BACH2: variants seen among roughly 807,000 people sequenced by gnomAD.
BACH2 encodes transcription regulator protein BACH2.
A neutral mutation model predicts 61.8 loss-of-function variants in BACH2; 5 were observed. The ratio of observed to expected loss-of-function variants is 0.08; its 90% CI spans 0.04 to 0.17. BACH2 has a LOEUF of 0.17. Among genes scored for constraint, BACH2 ranks in the 10% least tolerant of loss-of-function variants. The probability of loss-of-function intolerance (pLI) is 1.00; values close to 1 mark genes in which losing one functional copy is unlikely to be tolerated. For missense variants in BACH2, 824 were observed against 1,091.1 expected (o/e 0.76, Z 3.45); for synonymous variants, 446 against 440.1 (o/e 1.01, Z -0.17).
intron 5 of BACH2, among the ~76,000 whole-genome samples, chr6:90,084,122 G>A (rs1290736627): frequency 6.6e-6 from 1 of 151,912 alleles, no homozygotes; most frequent in Non-Finnish European, 1.5e-5. Context: ...AGGGGGTGGG[G>A]AAGTATGAAG....
rs76465664 is a variant in BACH2 at position 90,237,338 on chromosome 6, T to C, written c.-275+15175A>G. Among the ~76,000 whole-genome samples the C allele has an allele frequency of 4.8e-3, 731 of 152,318 alleles. 5 individuals are homozygous for C. Among genetic ancestry groups the C allele is most frequent in the African/African-American group, 0.017 (698 of 41,570 alleles). Reference sequence around the variant, plus strand: ...AAATGTTATTATGACCAACCATATCTAACAGGTTCAGAGACATCCTAGCCT... The same window carrying C: ...AAATGTTATTATGACCAACCATATCCAACAGGTTCAGAGACATCCTAGCCT... On this transcript the variant is annotated intron_variant, in intron 3 of 8. Coordinates refer to ENST00000257749, the MANE Select transcript of BACH2 (RefSeq NM_021813.4).
rs1772468736 is a variant in BACH2 at position 89,928,520 on chromosome 6, C to G, written c.*3888G>C. On this transcript the variant is annotated 3_prime_UTR_variant, in exon 9 of 9. Coordinates refer to ENST00000257749, the MANE Select transcript of BACH2 (RefSeq NM_021813.4). ...AAAGAGAAAATGTGGGTTTAGGCCT[C>G]TTGACAACAGCATTAAACTTCACAC... 2.0e-5 allele frequency: 3 copies of G among 152,524 alleles called. No individual in the cohort carries two copies. The highest frequency in any genetic ancestry group is 4.4e-5 in the Non-Finnish European group (3 of 68,038). 9.4% of individuals were successfully genotyped at this position (152,524 alleles called of 1,614,324 possible).
intron 4 of BACH2, among the ~76,000 whole-genome samples, chr6:90,156,157 G>A (rs943739388): frequency 6.6e-6 from 1 of 152,160 alleles, no homozygotes; most frequent in Non-Finnish European, 1.5e-5. Context: ...ATATCTGAAG[G>A]TGGGGAGGGA....
chr6:90,243,234 T>C (rs1000511855), intron 3 of BACH2, among the ~76,000 whole-genome samples: 2 of 151,384 alleles, frequency 1.3e-5, no homozygotes, highest in Non-Finnish European at 3.0e-5. Flanking sequence ...AATGTATTAA[T>C]AACTAGTCGC....
chr6:90,015,500 T>G (rs2127783243), intron 5 of BACH2, among the ~76,000 whole-genome samples: 1 of 152,364 alleles, frequency 6.6e-6, no homozygotes, highest in Non-Finnish European at 1.5e-5. Context: ...GCTTTAAAAT[T>G]TCCCTTTTGA....
At chr6:90,148,255 T>C (rs1784690491) in intron 4 of BACH2, among the ~76,000 whole-genome samples, 1 of 152,202 alleles carries the variant, frequency 6.6e-6, no homozygotes, top group South Asian at 2.1e-4. Context: ...TTCTCTCCCG[T>C]ACCCAAGTAG....
chr6:90,109,219 C>T (rs1296568200), intron 4 of BACH2, among the ~76,000 whole-genome samples: 2 of 152,050 alleles, frequency 1.3e-5, no homozygotes, highest in African/African-American at 2.4e-5. Context: ...TGATGATCTC[C>T]GTCTTGCCAA....
At chr6:90,176,112 C>T (rs1767975723) in intron 4 of BACH2, among the ~76,000 whole-genome samples, 4 of 152,310 alleles carry the variant, frequency 2.6e-5, no homozygotes, top group South Asian at 2.1e-4. Flanking sequence ...TGTGGTGACA[C>T]GCCTCTATGG....
intron 5 of BACH2, among the ~76,000 whole-genome samples, chr6:90,040,864 T>G (rs929557255): frequency 7.9e-5 from 12 of 152,206 alleles, no homozygotes; most frequent in Admixed American, 2.6e-4. Flanking sequence ...CCATTATATC[T>G]TCTAATCAGC....
chr6:89,958,219 C>T (rs991312803), intron 6 of BACH2, among the ~76,000 whole-genome samples: 2 of 152,148 alleles, frequency 1.3e-5, no homozygotes, highest in African/African-American at 4.8e-5. Flanking sequence ...GGGCTCAAGC[C>T]ATTTTCCTGC....
intron 4 of BACH2, among the ~76,000 whole-genome samples, chr6:90,125,038 G>A (rs1211899653): frequency 1.3e-5 from 2 of 152,032 alleles, no homozygotes; most frequent in Non-Finnish European, 2.9e-5. Flanking sequence ...TCGGCCATCT[G>A]TATTTCTCAT....
At chr6:90,075,459 C>A (rs1258691548) in intron 5 of BACH2, among the ~76,000 whole-genome samples, 1 of 152,132 alleles carries the variant, frequency 6.6e-6, no homozygotes, top group Non-Finnish European at 1.5e-5. Context: ...TTAACCAAGG[C>A]TTCTCCTGTC....
chr6:89,961,872 G>C (rs1285086933), intron 6 of BACH2, among the ~76,000 whole-genome samples: 1 of 152,270 alleles, frequency 6.6e-6, no homozygotes, highest in East Asian at 1.9e-4. Context: ...GAAATGCTCA[G>C]ATTTCACTGT....
intron 2 of BACH2, among the ~76,000 whole-genome samples, chr6:90,270,646 T>C (rs1157189210): frequency 6.6e-6 from 1 of 152,152 alleles, no homozygotes; most frequent in Non-Finnish European, 1.5e-5. Context: ...AAAATGACCA[T>C]ACTGACAAAA....
chr6:90,291,551 A>C (rs1178335521), intron 1 of BACH2, among the ~76,000 whole-genome samples: 4 of 108,196 alleles, frequency 3.7e-5, no homozygotes, highest in Non-Finnish European at 8.2e-5. Flanking sequence ...CTGAACTGAC[A>C]AAAAAAAAGA....
intron 4 of BACH2, among the ~76,000 whole-genome samples, chr6:90,180,305 C>G (rs1165567112): frequency 6.6e-6 from 1 of 151,964 alleles, no homozygotes; most frequent in Non-Finnish European, 1.5e-5. Flanking sequence ...ATATAAATAG[C>G]TAAATGTTTA....
chr6:90,023,262 T>C (rs1778471971), intron 5 of BACH2, among the ~76,000 whole-genome samples: 1 of 152,134 alleles, frequency 6.6e-6, no homozygotes, highest in Non-Finnish European at 1.5e-5. Flanking sequence ...ATGCTGGAGG[T>C]GGGGCCTGGT....
chr6:90,194,943 A>C (rs1465771380), intron 4 of BACH2, among the ~76,000 whole-genome samples: 1 of 152,236 alleles, frequency 6.6e-6, no homozygotes, highest in East Asian at 1.9e-4. Flanking sequence ...GAAAAAGGAA[A>C]AATAAATGTA....
At chr6:89,966,453 G>A (rs1464193929) in intron 6 of BACH2, among the ~76,000 whole-genome samples, 1 of 152,176 alleles carries the variant, frequency 6.6e-6, no homozygotes, top group East Asian at 1.9e-4. Context: ...ATGTGAATTG[G>A]ACAATGGCTG....
Sources: gnomAD v4.1 joint callset for allele counts (sites outside exome capture counted in the v4.1 genomes callset) on GRCh38, gnomAD v4.1.1 for gene constraint, MANE v1.5 for transcripts, NCBI Gene and HGNC (gene_info 2026-07-23, HGNC 2026-07-21) for gene names.